SORCS3: variants seen among roughly 807,000 people sequenced by gnomAD.
SORCS3 encodes VPS10 domain-containing receptor SorCS3.
A neutral mutation model predicts 146.3 loss-of-function variants in SORCS3; 57 were observed. The observed-to-expected ratio is 0.39, with a 90% CI of 0.31 to 0.49. The LOEUF (loss-of-function observed/expected upper bound fraction) is 0.49, where lower values mean the gene tolerates loss of function less well. SORCS3 is among the 20% of genes least tolerant of loss of function. The pLI, the probability that SORCS3 is intolerant of heterozygous loss-of-function variation, is 0.92. For synonymous variants in SORCS3, 653 were observed against 618.5 expected (o/e 1.06, Z -0.83); for missense variants, 1,341 against 1,575.5 (o/e 0.85, Z 2.52).
chr10:104,644,110 A>T (rs2015463048), intron 1 of SORCS3, among the ~76,000 whole-genome samples: 1 of 152,166 alleles, frequency 6.6e-6, no homozygotes, highest in South Asian at 2.1e-4. Context: ...TGACGGCCAA[A>T]GGGGCTTGGG....
chr10:105,115,249 T>C (rs2055885177), intron 7 of SORCS3, among the ~76,000 whole-genome samples: 1 of 152,224 alleles, frequency 6.6e-6, no homozygotes, highest in African/African-American at 2.4e-5. Flanking sequence ...AATGGAATCA[T>C]GCTACTTGCC....
chr10:104,965,306 C>T (rs1033344699), intron 3 of SORCS3, among the ~76,000 whole-genome samples: 28 of 152,326 alleles, frequency 1.8e-4, no homozygotes, highest in African/African-American at 6.7e-4. Context: ...TGCTTCACTC[C>T]ACTGTCTTGG....
chr10:104,688,524 C>T (rs1410662731), intron 1 of SORCS3, among the ~76,000 whole-genome samples: 1 of 152,222 alleles, frequency 6.6e-6, no homozygotes, highest in Non-Finnish European at 1.5e-5. Context: ...GTGGGGACCG[C>T]TTCTGTTTTC....
At chr10:104,929,529 A>G (rs1235338213) in intron 3 of SORCS3, among the ~76,000 whole-genome samples, 2 of 152,252 alleles carry the variant, frequency 1.3e-5, no homozygotes, top group Non-Finnish European at 1.5e-5. Context: ...GCTCTGTAGC[A>G]GGCAGGGCCC....
At chr10:105,189,200 GA>G (rs969664997) in intron 14 of SORCS3, among the ~76,000 whole-genome samples, 3 of 152,170 alleles carry the variant, frequency 2.0e-5, no homozygotes, top group African/African-American at 7.2e-5. Context: ...GGCTACCCAT[GA>G]AACCCATTTT....
rs55977539 is a variant in SORCS3 at position 104,886,555 on chromosome 10, C to CATCT, written c.696-29228_696-29225dup. ...TTGTGTATATAATATATAACTCTAT[C>CATCT]ATCTATCTATCTATCTATCTATCTA... is the stretch of plus-strand genomic sequence containing the variant. On this transcript the variant is annotated intron_variant, in intron 2 of 26. Coordinates refer to ENST00000369701, the MANE Select transcript of SORCS3 (RefSeq NM_014978.3). Among the ~76,000 whole-genome samples, 531 of 127,018 alleles carry CATCT rather than the reference C, an allele frequency of 4.2e-3. 1 individual carries two copies. The highest frequency in any genetic ancestry group is 7.9e-3 in the East Asian group (39 of 4,916). The allele number at this position is 127,018 out of a possible 152,430, so 83.3% of individuals were successfully genotyped here. A position where few individuals can be genotyped will look rare whatever the true frequency, so the allele number is the denominator to read the frequency against.
At position 104,752,453 on chromosome 10, in the gene SORCS3, A is replaced by G. The variant is rs138153145; in HGVS notation, c.628-90339A>G. Among the ~76,000 whole-genome samples, 243 of 152,318 alleles carry G rather than the reference A, an allele frequency of 1.6e-3. 1 individual carries two copies. Among genetic ancestry groups the G allele is most frequent in the African/African-American group, 5.6e-3 (234 of 41,578 alleles). On this transcript the variant is annotated intron_variant, in intron 1 of 26. Transcript: ENST00000369701. ...TTGGCAAACTTGGCAAGGGAGGGGA[A>G]TCACCACTGAGGGTAAGCCTTGCTT...
chr10:105,185,725 A>G (rs1460432733), intron 14 of SORCS3, among the ~76,000 whole-genome samples: 1 of 152,208 alleles, frequency 6.6e-6, no homozygotes, highest in Non-Finnish European at 1.5e-5. Context: ...TAAAATATAC[A>G]GGAAATCCTA....
intron 6 of SORCS3, among the ~76,000 whole-genome samples, chr10:105,097,767 ATGACC>A (rs1166881358): frequency 6.6e-6 from 1 of 152,202 alleles, no homozygotes; most frequent in Admixed American, 6.5e-5. Context: ...GTACCCAAAG[ATGACC>A]TGACCTGGGC....
chr10:105,242,212 A>C (rs1271404717), intron 20 of SORCS3, among the ~76,000 whole-genome samples: 1 of 146,520 alleles, frequency 6.8e-6, no homozygotes, highest in East Asian at 2.0e-4. Flanking sequence ...ATTGTCCTGC[A>C]TCTTCAATAT....
At chr10:105,183,133 G>A (rs948248793) in intron 14 of SORCS3, among the ~76,000 whole-genome samples, 2 of 152,352 alleles carry the variant, frequency 1.3e-5, no homozygotes, top group East Asian at 3.9e-4. Context: ...AACAGTGTGA[G>A]CAGACATGGA....
chr10:105,202,898 A>G lies in SORCS3; in HGVS notation c.2261+1645A>G, dbSNP rs141385309. Among the ~76,000 whole-genome samples, 4 of 152,298 alleles carry G rather than the reference A, an allele frequency of 2.6e-5. No homozygotes were observed. In the East Asian group the frequency reaches 7.7e-4, roughly 29 times the overall value. On this transcript the variant is annotated intron_variant, in intron 16 of 26. Transcript: ENST00000369701. ...TTTGTCTTTGTTAAAAGACAAAACTAAGGGCTTGGGCATTGGCCTCTAAAC... is the reference window on the plus strand; with the variant it reads ...TTTGTCTTTGTTAAAAGACAAAACTGAGGGCTTGGGCATTGGCCTCTAAAC...
intron 4 of SORCS3, among the ~76,000 whole-genome samples, chr10:104,988,642 G>A (rs1005523498): frequency 6.6e-6 from 1 of 152,142 alleles, no homozygotes; most frequent in Non-Finnish European, 1.5e-5. Flanking sequence ...TTTAAAGGAA[G>A]CTTTTGGAGA....
chr10:104,780,622 A>C (rs1244167969), intron 1 of SORCS3, among the ~76,000 whole-genome samples: 1 of 152,144 alleles, frequency 6.6e-6, no homozygotes, highest in Non-Finnish European at 1.5e-5. Flanking sequence ...TCCTTTTGTG[A>C]GCTGCTGAGG....
intron 6 of SORCS3, among the ~76,000 whole-genome samples, chr10:105,103,811 A>G (rs2055803000): frequency 6.6e-6 from 1 of 152,250 alleles, no homozygotes; most frequent in Admixed American, 6.5e-5. Flanking sequence ...TGTAATGAAT[A>G]CATTTCCCAT....
At chr10:105,067,251 G>A (rs150620013) in intron 5 of SORCS3, among the ~76,000 whole-genome samples, 13 of 152,196 alleles carry the variant, frequency 8.5e-5, no homozygotes, top group African/African-American at 2.9e-4. Context: ...ACAAGGCCAG[G>A]CATGGTGGCT....
At chr10:104,645,344 T>A (rs2133234546) in intron 1 of SORCS3, among the ~76,000 whole-genome samples, 1 of 152,342 alleles carries the variant, frequency 6.6e-6, no homozygotes, top group African/African-American at 2.4e-5. Flanking sequence ...GTCCTTTTCC[T>A]TCAAATGAAA....
intron 20 of SORCS3, among the ~76,000 whole-genome samples, chr10:105,244,399 A>T (rs2119729576): frequency 6.6e-6 from 1 of 152,168 alleles, no homozygotes; most frequent in Admixed American, 6.5e-5. Context: ...GTCAGGATCC[A>T]CATCTGCAAC....
chr10:104,740,235 A>G (rs2016825549), intron 1 of SORCS3, among the ~76,000 whole-genome samples: 1 of 152,240 alleles, frequency 6.6e-6, no homozygotes, highest in East Asian at 1.9e-4. Context: ...TGTACTGTGT[A>G]GTCCTAGAAA....
Sources: allele counts gnomAD v4.1 joint callset (sites outside exome capture counted in the v4.1 genomes callset), GRCh38; gene constraint gnomAD v4.1.1; transcripts MANE v1.5; gene names NCBI Gene and HGNC (gene_info 2026-07-23, HGNC 2026-07-21).